The following FNIP2 variants were observed in gnomAD, a reference collection of about 807,000 sequenced individuals.
FNIP2 encodes the protein folliculin-interacting protein 2.
Under a neutral mutation model 108.7 loss-of-function variants are expected in FNIP2, and 32 were observed. That is an observed-to-expected ratio of 0.29 (90% confidence interval 0.22 to 0.40). FNIP2 has a LOEUF of 0.40. FNIP2 is among the 10% of genes least tolerant of loss of function. The probability of loss-of-function intolerance (pLI) is 1.00; values close to 1 mark genes in which losing one functional copy is unlikely to be tolerated. For synonymous variants in FNIP2, 480 were observed against 496.7 expected (o/e 0.97, Z 0.45); for missense variants, 1,202 against 1,381.6 (o/e 0.87, Z 2.06).
chr4:158,797,819 G>A (rs2126467655), intron 1 of FNIP2, among the ~76,000 whole-genome samples: 1 of 152,278 alleles, frequency 6.6e-6, no homozygotes, highest in South Asian at 2.1e-4. Context: ...AGGGAGCCAG[G>A]AGTGCCACAG....
intron 1 of FNIP2, among the ~76,000 whole-genome samples, chr4:158,802,997 A>G (rs770646755): frequency 3.3e-5 from 5 of 152,154 alleles, no homozygotes; most frequent in Non-Finnish European, 5.9e-5. Flanking sequence ...CCTTACATAT[A>G]CCACATGGAT....
chr4:158,792,395 T>G (rs1776450248), intron 1 of FNIP2, among the ~76,000 whole-genome samples: 1 of 151,752 alleles, frequency 6.6e-6, no homozygotes, highest in Admixed American at 6.6e-5. Context: ...TTTTGCTGCT[T>G]CTTGGTAATG....
chr4:158,899,663 G>A (rs1783024600), intron 16 of FNIP2, among the ~76,000 whole-genome samples: 1 of 152,162 alleles, frequency 6.6e-6, no homozygotes, highest in African/African-American at 2.4e-5. Flanking sequence ...ATTCTCTGAT[G>A]TTAGTTTGTA....
chr4:158,898,629 G>T (rs959120757), intron 16 of FNIP2, among the ~76,000 whole-genome samples: 1 of 152,000 alleles, frequency 6.6e-6, no homozygotes. Flanking sequence ...TTGTGATTTG[G>T]CTCTCTGTCT....
intron 16 of FNIP2, among the ~76,000 whole-genome samples, chr4:158,898,906 TC>T (rs1421715933): frequency 1.3e-5 from 2 of 152,240 alleles, no homozygotes; most frequent in South Asian, 4.1e-4. Context: ...AGAGAGAGCA[TC>T]CTTGTCTTGT....
chr4:158,898,632 C>G lies in FNIP2; in HGVS notation c.3266+2767C>G, dbSNP rs568610829. 3.9e-5 allele frequency among the ~76,000 whole-genome samples: 6 copies of G among 152,126 alleles called. No homozygotes were observed. The South Asian group carries it at 8.3e-4, about 21-fold the overall frequency. The stretch of plus-strand genomic sequence containing the variant: ...ATAGGAGTTCACTTGTGATTTGGCT[C>G]TCTGTCTGTTATTGGTGTATAGGAA... On this transcript the variant is annotated intron_variant, in intron 16 of 16. Transcript: ENST00000264433.
intron 7 of FNIP2, among the ~76,000 whole-genome samples, chr4:158,842,051 T>C (rs1000987108): frequency 6.6e-6 from 1 of 152,288 alleles, no homozygotes; most frequent in African/African-American, 2.4e-5. Flanking sequence ...TCTTTATATA[T>C]GTGAGCTTGA....
chr4:158,884,266 CTAGAATGTATTAGATATTT>C (rs1210591114), intron 14 of FNIP2, among the ~76,000 whole-genome samples: 22 of 152,160 alleles, frequency 1.4e-4, no homozygotes, highest in Admixed American at 1.4e-3. Context: ...TTCACCACAG[CTAGAATGTATTAGATATTT>C]TGCACATGCC....
At chr4:158,895,717 T>A (rs1236211020) in intron 15 of FNIP2, 33 bp from the exon 16 acceptor site, 1 of 1,350,702 alleles carries the variant, frequency 7.4e-7, no homozygotes, top group South Asian at 1.2e-5. Context: ...ATTTGACTTC[T>A]AGCCCTCATT....
At chr4:158,903,412 G>A (rs1729530053) in intron 16 of FNIP2, among the ~76,000 whole-genome samples, 1 of 152,148 alleles carries the variant, frequency 6.6e-6, no homozygotes, top group Non-Finnish European at 1.5e-5. Context: ...GACCAGAGCT[G>A]TTCCTATTCG....
At chr4:158,846,682 C>T (rs1230784130) in intron 7 of FNIP2, among the ~76,000 whole-genome samples, 2 of 152,108 alleles carry the variant, frequency 1.3e-5, no homozygotes, top group African/African-American at 2.4e-5. Flanking sequence ...TACAGGTTAA[C>T]AAGAGAAAAG....
At position 158,789,739 on chromosome 4, in the gene FNIP2, C is replaced by T. The variant is rs75502408; in HGVS notation, c.107+20420C>T. 2.8e-3 allele frequency among the ~76,000 whole-genome samples: 426 copies of T among 152,268 alleles called. 3 individuals are homozygous for T. The highest frequency in any genetic ancestry group is 9.8e-3 in the African/African-American group (406 of 41,546). On this transcript the variant is annotated intron_variant, in intron 1 of 16. Transcript: ENST00000264433. ...ACAGTACAGATGAAGTATTCCTAAT[C>T]CAAAAATCTGAAATGCTTCAAAATC...
rs1780761489 is a variant in FNIP2 at position 158,869,011 on chromosome 4, A to T, written c.2375A>T (p.Asp792Val). The T allele has an allele frequency of 1.2e-6, 2 of 1,613,976 alleles. No individual in the cohort carries two copies. Among genetic ancestry groups the T allele is most frequent in the Non-Finnish European group, 1.7e-6 (2 of 1,179,886 alleles). The change falls in exon 13 of 17, where the codon GAC (aspartate) becomes GTC (valine). Residue 792 changes from aspartate to valine, a missense_variant. This residue lies in a region of FNIP2 where 878 missense variants were observed against 990.3 expected (regional missense o/e 0.89). Transcript: ENST00000264433. Reference protein sequence around the residue: ...RLSEGDEGESDKGFAEDRGSR... With the variant: ...RLSEGDEGESVKGFAEDRGSR... ...TCAGAGGGGGATGAAGGCGAGTCTG[A>T]CAAGGGTTTTGCAGAGGACAGAGGC...
Position 158,894,221 on chromosome 4 carries a change from A to G in FNIP2, c.3151-1529A>G, listed in dbSNP as rs1190611457. ...AGTTTCATTTTGTCACCCAGGTTAT[A>G]GTGCAGTAGTATGATGTTGGCTCAC... On this transcript the variant is annotated intron_variant, in intron 15 of 16. Transcript: ENST00000264433. Among the ~76,000 whole-genome samples, 7 of 142,884 alleles carry G rather than the reference A, an allele frequency of 4.9e-5. No homozygotes were observed. In the East Asian group the frequency reaches 1.4e-3, roughly 29 times the overall value. 93.7% of individuals were successfully genotyped at this position (142,884 alleles called of 152,430 possible).
intron 1 of FNIP2, among the ~76,000 whole-genome samples, chr4:158,795,594 C>T (rs956264099): frequency 3.3e-5 from 5 of 152,202 alleles, no homozygotes; most frequent in East Asian, 1.9e-4. Flanking sequence ...TGTTCTGTTA[C>T]GGGAATTGTG....
chr4:158,800,469 G>A (rs933282931), intron 1 of FNIP2, among the ~76,000 whole-genome samples: 3 of 152,164 alleles, frequency 2.0e-5, no homozygotes, highest in Non-Finnish European at 4.4e-5. Context: ...CCTTTCAGCT[G>A]TCAGAAATTG....
intron 1 of FNIP2, among the ~76,000 whole-genome samples, chr4:158,780,076 C>G (rs1332178941): frequency 6.6e-6 from 1 of 151,712 alleles, no homozygotes; most frequent in Non-Finnish European, 1.5e-5. Flanking sequence ...ACTAGCTAGG[C>G]ACATGCCTGT....
At chr4:158,892,865 T>C (rs770880373) in intron 15 of FNIP2, among the ~76,000 whole-genome samples, 41 of 152,370 alleles carry the variant, frequency 2.7e-4, no homozygotes, top group Middle Eastern at 3.4e-3. Context: ...TAAATATTAA[T>C]TACCTACGCT....
chr4:158,905,709 A>C lies in FNIP2; in HGVS notation c.*1165A>C, dbSNP rs534357831. The C allele has an allele frequency of 3.8e-4, 57 of 151,512 alleles. No individual in the cohort carries two copies. Among genetic ancestry groups the C allele is most frequent in the Middle Eastern group, 3.4e-3 (1 of 292 alleles). The allele number at this position is 151,512 out of a possible 1,614,324, so 9.4% of individuals were successfully genotyped here. A position where few individuals can be genotyped will look rare whatever the true frequency, so the allele number is the denominator to read the frequency against. ...AAAGTTCATGCAAAAAAAAAAAAAA[A>C]ACAACCTAATTTTCTGTTAATATAA... is the stretch of plus-strand genomic sequence containing the variant. On this transcript the variant is annotated 3_prime_UTR_variant, in exon 17 of 17. Coordinates refer to ENST00000264433, the MANE Select transcript of FNIP2 (RefSeq NM_020840.3).
Sources: allele counts gnomAD v4.1 joint callset (sites outside exome capture counted in the v4.1 genomes callset), GRCh38; gene constraint gnomAD v4.1.1; regional missense constraint gnomAD v4.1.1; transcripts MANE v1.5; gene names NCBI Gene and HGNC (gene_info 2026-07-23, HGNC 2026-07-21).